CASP2: variants seen among roughly 807,000 people sequenced by gnomAD.
CASP2 encodes caspase 2.
In CASP2, 38 loss-of-function variants were observed where a neutral mutation model predicts 54.4. The ratio of observed to expected loss-of-function variants is 0.70; its 90% CI spans 0.54 to 0.92. The LOEUF (loss-of-function observed/expected upper bound fraction) is 0.92. Ranked by LOEUF, CASP2 falls within the 40% of genes least tolerant of loss-of-function variation. The pLI is 0.00. For missense variants in CASP2, 512 were observed against 579.6 expected, an observed-to-expected ratio of 0.88 and a Z score of 1.20; for synonymous variants, 215 against 216.3, an observed-to-expected ratio of 0.99 and a Z score of 0.05.
intron 6 of CASP2, among the ~76,000 whole-genome samples, chr7:143,297,706 C>G (rs1381064634): frequency 6.6e-6 from 1 of 152,032 alleles, no homozygotes; most frequent in Non-Finnish European, 1.5e-5. Context: ...CTCGGCCTCC[C>G]GAAGTGCTGG....
rs186396120 is a variant in CASP2, at chr7:143,307,286, G to T, written c.*2215G>T. 12 of 152,220 alleles carry T rather than the reference G, an allele frequency of 7.9e-5. No homozygotes were observed. Among genetic ancestry groups the T allele is most frequent in the Admixed American group, 7.2e-4 (11 of 15,286 alleles). The allele number at this position is 152,220 out of a possible 1,614,324, so 9.4% of individuals were successfully genotyped here. A position where few individuals can be genotyped will look rare whatever the true frequency, so the allele number is the denominator to read the frequency against. On this transcript the variant is annotated 3_prime_UTR_variant, in exon 11 of 11. Coordinates refer to ENST00000310447, the MANE Select transcript of CASP2 (RefSeq NM_032982.4). ...TGTACCAAGTGCTTGGCACATAGTG[G>T]GCCTTCATTAAATGTTTGTTGAATA...
Position 143,292,234 on chromosome 7 carries a change from A to T in CASP2, c.226-66A>T. On this transcript the variant is annotated intron_variant, in intron 2 of 10. Coordinates refer to ENST00000310447, the MANE Select transcript of CASP2 (RefSeq NM_032982.4). The stretch of plus-strand genomic sequence containing the variant: ...GGATGAGGACACTACTAGGAAGCTC[A>T]TGTGGAGAAATAGAATTATAGCTAG... 3 of 1,527,274 alleles carry T rather than the reference A, an allele frequency of 2.0e-6. No individual in the cohort carries two copies. The African/African-American group carries it at 4.1e-5, about 21-fold the overall frequency. 94.6% of individuals were successfully genotyped at this position (1,527,274 alleles called of 1,614,324 possible).
In CASP2 at chr7:143,292,301, C is replaced by T; in HGVS notation, c.227C>T (p.Ala76Val). The T allele has an allele frequency of 6.2e-7, 1 of 1,613,986 alleles. No individual in the cohort carries two copies. Among genetic ancestry groups the T allele is most frequent in the African/African-American group, 1.3e-5 (1 of 74,996 alleles). The part of the protein sequence containing the change: ...ITLEMRELIQ[A>V]KVGSFSQNVE... ...TCATGTTTTATTCTTGTGTCTTAGG[C>T]CAAAGTGGGCAGTTTCAGCCAGAAT... The change falls in exon 3 of 11, where the codon GCC becomes GTC. Residue 76 changes from alanine to valine, a missense_variant and splice_region_variant. Physicochemically the swap from Ala to Val is moderately conservative, Grantham distance 64 (BLOSUM62 0). Around this residue, in one of 3 missense-constraint regions of CASP2, gnomAD observed 417 missense variants for 495.4 expected, o/e 0.84. Transcript: ENST00000310447.
chr7:143,290,031 C>G (rs1801506974), intron 1 of CASP2, among the ~76,000 whole-genome samples: 1 of 147,214 alleles, frequency 6.8e-6, no homozygotes, highest in African/African-American at 2.5e-5. Context: ...TTCACTGACT[C>G]TAAGATACAC....
intron 6 of CASP2, among the ~76,000 whole-genome samples, chr7:143,295,468 G>C (rs1801716694): frequency 6.6e-6 from 1 of 152,192 alleles, no homozygotes; most frequent in African/African-American, 2.4e-5. Context: ...CTGACTTTGT[G>C]ACCTTTAGGG....
chr7:143,290,836 G>A (rs1416993226), intron 1 of CASP2: 1 of 152,770 alleles, frequency 6.5e-6, no homozygotes, highest in Non-Finnish European at 1.5e-5. Context: ...CAAAACTCCT[G>A]TGCTGCTCTG....
Position 143,292,361 on chromosome 7 carries a change from C to T in CASP2, c.287C>T (p.Pro96Leu). Residue 96 changes from proline (P) to leucine (L), a missense_variant, in exon 3 of 11, where the codon CCC becomes CTC. Around this residue, in one of 3 missense-constraint regions of CASP2, gnomAD observed 417 missense variants for 495.4 expected, o/e 0.84. Transcript: ENST00000310447. ...ELLNLLPKRG[P>L]QAFDAFCEAL... ...CTCAACTTGCTGCCTAAGAGGGGTCCCCAAGCTTTTGATGCCTTCTGTGAA... is the reference window on the plus strand; with the variant it reads ...CTCAACTTGCTGCCTAAGAGGGGTCTCCAAGCTTTTGATGCCTTCTGTGAA... The T allele has an allele frequency of 6.2e-7, 1 of 1,614,152 alleles. No individual in the cohort carries two copies. The highest frequency in any genetic ancestry group is 8.5e-7 in the Non-Finnish European group (1 of 1,180,034).
intron 2 of CASP2, among the ~76,000 whole-genome samples, chr7:143,292,076 CT>C (rs1274753984): frequency 6.6e-6 from 1 of 152,044 alleles, no homozygotes; most frequent in African/African-American, 2.4e-5. Context: ...CCACACCCAG[CT>C]GGATGTTGTA....
intron 6 of CASP2, chr7:143,298,503 A>G (rs1459610489): frequency 6.6e-6 from 1 of 152,206 alleles, no homozygotes. Context: ...TTAGTGCAAG[A>G]TAAACAAGAT....
intron 6 of CASP2, 132 bp downstream of exon 6, chr7:143,294,905 C>T: frequency 2.5e-6 from 2 of 801,572 alleles, no homozygotes; most frequent in Admixed American, 2.0e-5. Context: ...CATTTTTACT[C>T]ACTCTGTTCT....
At position 143,298,912 on chromosome 7, in the gene CASP2, A is replaced by T. The variant is rs566942382; in HGVS notation, c.748-1011A>T. ...GAAAAATACTCTTTATTCGACATGC[A>T]CATTGTAATGGCACATTTTTTGCAA... is the stretch of plus-strand genomic sequence containing the variant. On this transcript the variant is annotated intron_variant, in intron 6 of 10. Coordinates refer to ENST00000310447, the MANE Select transcript of CASP2 (RefSeq NM_032982.4). 5.9e-5 allele frequency: 9 copies of T among 152,092 alleles called. No homozygotes were observed. In the South Asian group the frequency reaches 1.7e-3, roughly 28 times the overall value. The allele number at this position is 152,092 out of a possible 1,614,324, so 9.4% of individuals were successfully genotyped here.
At position 143,304,730 on chromosome 7, in the gene CASP2, C is replaced by G; in HGVS notation, c.1174C>G (p.Gln392Glu). 1 of 1,614,188 alleles carries G rather than the reference C, an allele frequency of 6.2e-7. No homozygotes were observed. The highest frequency in any genetic ancestry group is 8.5e-7 in the Non-Finnish European group (1 of 1,180,044). The change falls in exon 10 of 11, where the codon CAA (glutamine) becomes GAA (glutamate). Residue 392 changes from glutamine (Q) to glutamate (E), a missense_variant. This residue lies in a region of CASP2 where 417 missense variants were observed against 495.4 expected (regional missense o/e 0.84). Transcript: ENST00000310447. Reference sequence around the variant, plus strand: ...TTCCTGGTACATCGAGGCTCTTGCTCAAGTGTTTTCTGAGCGGGCTTGTGA... The same window carrying G: ...TTCCTGGTACATCGAGGCTCTTGCTGAAGTGTTTTCTGAGCGGGCTTGTGA... ...RGSWYIEALAQVFSERACDMH... is the reference protein window; with the variant it reads ...RGSWYIEALAEVFSERACDMH...
rs986850086 is a variant in CASP2 at position 143,305,747 on chromosome 7, C to G, written c.*676C>G. The G allele has an allele frequency of 6.4e-6, 1 of 155,842 alleles. No individual in the cohort carries two copies. Among genetic ancestry groups the G allele is most frequent in the Non-Finnish European group, 1.4e-5 (1 of 70,136 alleles). 9.7% of individuals were successfully genotyped at this position (155,842 alleles called of 1,614,324 possible). A position where few individuals can be genotyped will look rare whatever the true frequency, so the allele number is the denominator to read the frequency against. On this transcript the variant is annotated 3_prime_UTR_variant, in exon 11 of 11. Transcript: ENST00000310447. The stretch of plus-strand genomic sequence containing the variant: ...GCATTTGTACCTTATTGATCTTTGC[C>G]CATGGAAGTCTCAAAGATCTTTCGT...
At position 143,294,770 on chromosome 7, in the gene CASP2, A is replaced by G. The variant is rs749166565; in HGVS notation, c.744A>G (p.Ala248=). The G allele has an allele frequency of 4.3e-6, 7 of 1,613,790 alleles. No individual in the cohort carries two copies. The Admixed American group carries it at 8.3e-5, about 19-fold the overall frequency. The change falls in exon 6 of 11, where the codon GCA becomes GCG. Residue 248 remains alanine (A), a synonymous_variant. Transcript: ENST00000310447. The part of the protein sequence containing the change: ...YDVHVLCDQT[A]QEMQEKLQNF... Reference sequence around the variant, plus strand: ...TCCATGTTCTATGTGACCAGACTGCACAGGTACCTGAGGTGGGAAAAATTG... The same window carrying G: ...TCCATGTTCTATGTGACCAGACTGCGCAGGTACCTGAGGTGGGAAAAATTG...
intron 9 of CASP2, among the ~76,000 whole-genome samples, chr7:143,304,450 A>G (rs1193038618): frequency 1.3e-5 from 2 of 152,242 alleles, no homozygotes; most frequent in African/African-American, 4.8e-5. Flanking sequence ...GAAAATTTGT[A>G]TGACTTGCTT....
In CASP2 at chr7:143,299,328, A is replaced by G. The variant is rs116413372; in HGVS notation, c.748-595A>G. 5.8e-3 allele frequency among the ~76,000 whole-genome samples: 884 copies of G among 152,256 alleles called. 10 individuals carry two copies. Among genetic ancestry groups the G allele is most frequent in the African/African-American group, 0.019 (783 of 41,570 alleles). On this transcript the variant is annotated intron_variant, in intron 6 of 10. Coordinates refer to ENST00000310447, the MANE Select transcript of CASP2 (RefSeq NM_032982.4). Reference sequence around the variant, plus strand: ...AAACCTAGATTAATCTGAACCCAGGACCTGTGTATGTAATTACTGCCCTGT... The same window carrying G: ...AAACCTAGATTAATCTGAACCCAGGGCCTGTGTATGTAATTACTGCCCTGT...
intron 1 of CASP2, among the ~76,000 whole-genome samples, chr7:143,291,247 T>C (rs1372946511): frequency 2.0e-5 from 3 of 152,220 alleles, no homozygotes; most frequent in Non-Finnish European, 4.4e-5. Flanking sequence ...CTCATAAATA[T>C]GTGTACTTGG....
chr7:143,304,630 G>A, intron 9 of CASP2, 44 bp from the exon 10 acceptor site: 1 of 1,335,940 alleles, frequency 7.5e-7, no homozygotes, highest in South Asian at 1.2e-5. Flanking sequence ...AAGTGCAGCT[G>A]TGTGATGGCA....
At chr7:143,301,831 C>T (rs1484605547) in intron 8 of CASP2, 1 of 152,166 alleles carries the variant, frequency 6.6e-6, no homozygotes, top group Admixed American at 6.5e-5. Flanking sequence ...CACCTCCTTA[C>T]AAACCTTTAG....
Sources: allele counts gnomAD v4.1 joint callset (sites outside exome capture counted in the v4.1 genomes callset), GRCh38; gene constraint gnomAD v4.1.1; regional missense constraint gnomAD v4.1.1; transcripts MANE v1.5; gene names NCBI Gene and HGNC (gene_info 2026-07-23, HGNC 2026-07-21).